CD70: variants seen among roughly 807,000 people sequenced by gnomAD.
CD70 encodes the protein CD70 molecule.
In CD70, 6 loss-of-function variants were observed where a neutral mutation model predicts 9.0. The observed-to-expected ratio is 0.67, with a 90% CI of 0.37 to 1.32. CD70 has a LOEUF of 1.32. CD70 is among the 40% of genes most tolerant of loss of function. The probability of loss-of-function intolerance (pLI) is 0.02; values close to 1 mark genes in which losing one functional copy is unlikely to be tolerated. For synonymous variants in CD70, 108 were observed against 112.3 expected (o/e 0.96, Z 0.24); for missense variants, 235 against 258.7 (o/e 0.91, Z 0.63).
downstream of CD70, among the ~76,000 whole-genome samples, chr19:6,583,695 A>G (rs1915961912): frequency 6.7e-6 from 1 of 150,206 alleles, no homozygotes. Context: ...AGTAGCATGG[A>G]TTAGAGGTGC....
chr19:6,588,412 T>C (rs1157948471), intron 2 of CD70, among the ~76,000 whole-genome samples: 1 of 151,328 alleles, frequency 6.6e-6, no homozygotes, highest in Non-Finnish European at 1.5e-5. Context: ...ATATCAGGGG[T>C]CAGAGACCCA....
downstream of CD70, among the ~76,000 whole-genome samples, chr19:6,584,306 G>A (rs1386256788): frequency 2.0e-5 from 3 of 151,376 alleles, no homozygotes; most frequent in Non-Finnish European, 2.9e-5. Context: ...TCAAGAGATC[G>A]AGACCATCCT....
At chr19:6,586,878 G>C (rs1916028289) in intron 2 of CD70, among the ~76,000 whole-genome samples, 1 of 124,518 alleles carries the variant, frequency 8.0e-6, no homozygotes, top group Admixed American at 1.0e-4. Flanking sequence ...GACAGGGAGA[G>C]AGAGACACCA....
downstream of CD70, among the ~76,000 whole-genome samples, chr19:6,584,505 CA>C (rs140077436): frequency 0.39 from 57,646 of 149,648 alleles, 11,241 homozygotes; most frequent in East Asian, 0.68. Flanking sequence ...GACTCCATCT[CA>C]AAAAAAAAGA....
At chr19:6,582,375 C>CT (rs1915934945), downstream of CD70, among the ~76,000 whole-genome samples, 1 of 135,456 alleles carries the variant, frequency 7.4e-6, no homozygotes, top group African/African-American at 2.8e-5. Flanking sequence ...TTTAATTATA[C>CT]TTTAAGTTCT....
chr19:6,588,160 C>G (rs1368956978), intron 2 of CD70, among the ~76,000 whole-genome samples: 1 of 152,160 alleles, frequency 6.6e-6, no homozygotes. Flanking sequence ...AACAGGAGCC[C>G]CAAGGGTGTT....
chr19:6,583,554 T>A (rs1470040080), downstream of CD70: 2 of 32,244 alleles, frequency 6.2e-5, no homozygotes, highest in Non-Finnish European at 1.2e-4. Flanking sequence ...AATTGTAGTC[T>A]TTTTTTTTTT....
At position 6,590,961 on chromosome 19, in the gene CD70, G is replaced by A. The variant is rs1393613741; in HGVS notation, c.42C>T (p.Pro14=). The change falls in exon 1 of 3, where the codon CCC becomes CCT. Residue 14 remains proline, a synonymous_variant. Transcript: ENST00000245903. This position sits in a 1 kb window ranked among gnomAD's most constrained non-coding sequence, Gnocchi z 5.3. ...AAGCAGCCCGCAGGACGCACCCATAGGGCCTGCGCCGCACCGAGCAGCCCG... is the reference window on the plus strand; with the variant it reads ...AAGCAGCCCGCAGGACGCACCCATAAGGCCTGCGCCGCACCGAGCAGCCCG... ...EGSGCSVRRR[P]YGCVLRAALV... is the part of the protein sequence containing the mutation. 1 of 1,613,580 alleles carries A rather than the reference G, an allele frequency of 6.2e-7. No homozygotes were observed. Among genetic ancestry groups the A allele is most frequent in the Non-Finnish European group, 8.5e-7 (1 of 1,179,828 alleles).
At chr19:6,583,550 AGT>A, downstream of CD70, 2 of 435,476 alleles carry the variant, frequency 4.6e-6, no homozygotes, top group South Asian at 3.6e-5. Flanking sequence ...TGTTAATTGT[AGT>A]CTTTTTTTTT....
chr19:6,585,624 G>C (rs1007002148), downstream of CD70, among the ~76,000 whole-genome samples: 2 of 152,054 alleles, frequency 1.3e-5, no homozygotes, highest in African/African-American at 4.8e-5. Context: ...TTACAGGCAT[G>C]AGCCACTGTG....
downstream of CD70, among the ~76,000 whole-genome samples, chr19:6,584,305 C>T (rs1316600241): frequency 3.4e-5 from 5 of 149,072 alleles, no homozygotes; most frequent in East Asian, 2.1e-4. Context: ...GTCAAGAGAT[C>T]GAGACCATCC....
In CD70 at chr19:6,590,791, G is replaced by T; in HGVS notation, c.162+50C>A. On this transcript the variant is annotated intron_variant, in intron 1 of 2. Coordinates refer to ENST00000245903, the MANE Select transcript of CD70 (RefSeq NM_001252.5). The surrounding 1 kb of genome is among the most constrained non-coding windows in gnomAD (Gnocchi z 5.3). Reference sequence around the variant, plus strand: ...TGTACCCATCTCATTCTGTCTTTTCGGTCACGCGCCTCTCTATGTTTTCTT... The same window carrying T: ...TGTACCCATCTCATTCTGTCTTTTCTGTCACGCGCCTCTCTATGTTTTCTT... The T allele has an allele frequency of 1.3e-6, 2 of 1,489,678 alleles. No homozygotes were observed. The highest frequency in any genetic ancestry group is 1.9e-6 in the Non-Finnish European group (2 of 1,075,610). The allele number at this position is 1,489,678 out of a possible 1,614,324, so 92.3% of individuals were successfully genotyped here. A position where few individuals can be genotyped will look rare whatever the true frequency, so the allele number is the denominator to read the frequency against.
Position 6,585,977 on chromosome 19 carries a change from T to C in CD70, c.*43A>G. 11 of 1,455,300 alleles carry C rather than the reference T, an allele frequency of 7.6e-6. No homozygotes were observed. The highest frequency in any genetic ancestry group is 1.0e-5 in the Non-Finnish European group (11 of 1,087,548). 90.1% of individuals were successfully genotyped at this position (1,455,300 alleles called of 1,614,324 possible). On this transcript the variant is annotated 3_prime_UTR_variant, in exon 3 of 3. Transcript: ENST00000245903. ...GTACACTTTTTCTCTTGAACTTAAA[T>C]AAAATAAAATAAAATTTAAAAAACC...
At chr19:6,586,440 A>T in intron 2 of CD70, 35 bp from the exon 3 acceptor site, 1 of 1,557,780 alleles carries the variant, frequency 6.4e-7, no homozygotes, top group South Asian at 1.2e-5. Context: ...GAGAGGATGG[A>T]GGTTTAGGGA....
At chr19:6,589,955 G>C (rs530736079) in intron 2 of CD70, 148 bp downstream of exon 2, 15 of 496,314 alleles carry the variant, frequency 3.0e-5, no homozygotes, top group Non-Finnish European at 4.7e-5. Context: ...CCCCCTCTCC[G>C]TTTCCCTCCC....
At chr19:6,589,914 C>A (rs1916116764) in intron 2 of CD70, among the ~76,000 whole-genome samples, 189 bp downstream of exon 2, 1 of 110,074 alleles carries the variant, frequency 9.1e-6, no homozygotes, top group Non-Finnish European at 1.9e-5. Context: ...TTCTCTGGGC[C>A]TCTCCCTCCC....
Position 6,586,541 on chromosome 19 carries a change from G to T in CD70, c.197-136C>A, listed in dbSNP as rs188858655. The T allele has an allele frequency of 3.0e-6, 3 of 1,008,756 alleles. No individual in the cohort carries two copies. In the East Asian group the frequency reaches 7.9e-5, roughly 27 times the overall value. The allele number at this position is 1,008,756 out of a possible 1,614,324, so 62.5% of individuals were successfully genotyped here. A position where few individuals can be genotyped will look rare whatever the true frequency, so the allele number is the denominator to read the frequency against. On this transcript the variant is annotated intron_variant, in intron 2 of 2. Transcript: ENST00000245903. Reference sequence around the variant, plus strand: ...AGGTTGGACGTGGTGGCTCATGCCTGAAATCCTAACAGTTTAGGAGGCCAA... The same window carrying T: ...AGGTTGGACGTGGTGGCTCATGCCTTAAATCCTAACAGTTTAGGAGGCCAA...
At position 6,590,208 on chromosome 19, in the gene CD70, C is replaced by T; in HGVS notation, c.163-72G>A. On this transcript the variant is annotated intron_variant, in intron 1 of 2. Coordinates refer to ENST00000245903, the MANE Select transcript of CD70 (RefSeq NM_001252.5). The surrounding 1 kb of genome is among the most constrained non-coding windows in gnomAD (Gnocchi z 5.3). ...TTCTATGTGTCCCCTGTGCCAGGAG[C>T]TCTCTTTTCTCTGTCCATCCTCCTT... 1.7e-6 allele frequency: 2 copies of T among 1,173,404 alleles called. No homozygotes were observed. The highest frequency in any genetic ancestry group is 2.6e-6 in the Non-Finnish European group (2 of 777,354). 72.7% of individuals were successfully genotyped at this position (1,173,404 alleles called of 1,614,324 possible). A position where few individuals can be genotyped will look rare whatever the true frequency, so the allele number is the denominator to read the frequency against.
intron 2 of CD70, among the ~76,000 whole-genome samples, chr19:6,587,220 G>C (rs1180905039): frequency 6.7e-6 from 1 of 149,136 alleles, no homozygotes; most frequent in Admixed American, 6.7e-5. Flanking sequence ...CAGCGAGAGA[G>C]TGTGAGAGAG....
Sources: gnomAD v4.1 joint callset for allele counts (sites outside exome capture counted in the v4.1 genomes callset) on GRCh38, gnomAD v4.1.1 for gene constraint, Gnocchi (gnomAD v3.1) non-coding constraint, MANE v1.5 for transcripts, NCBI Gene and HGNC (gene_info 2026-07-23, HGNC 2026-07-21) for gene names.